Variants in GUCY1A2 observed in about 807,000 individuals in gnomAD.
GUCY1A2 encodes the protein guanylate cyclase 1 soluble subunit alpha 2, also known as guanylate cyclase soluble subunit alpha-2.
GUCY1A2 carries 27 observed loss-of-function variants against 63.5 expected under a neutral mutation model. The observed-to-expected ratio is 0.43, with a 90% confidence interval of 0.31 to 0.59. The LOEUF (loss-of-function observed/expected upper bound fraction) is 0.59. Among genes scored for constraint, GUCY1A2 ranks in the 20% least tolerant of loss-of-function variants. GUCY1A2 has a pLI of 0.11. For missense variants in GUCY1A2, 768 were observed against 913.3 expected (o/e 0.84, Z 2.05); for synonymous variants, 364 against 343.5 (o/e 1.06, Z -0.66).
chr11:106,914,168 G>A (rs746036543), intron 4 of GUCY1A2, among the ~76,000 whole-genome samples: 1 of 151,900 alleles, frequency 6.6e-6, no homozygotes, highest in Non-Finnish European at 1.5e-5. Flanking sequence ...TGAATACTAT[G>A]GGAGCATATA....
chr11:106,683,180 G>C lies in GUCY1A2; in HGVS notation c.*4369C>G, dbSNP rs1862460248. 1 of 214,094 alleles carries C rather than the reference G, an allele frequency of 4.7e-6. No homozygotes were observed. The highest frequency in any genetic ancestry group is 2.3e-5 in the African/African-American group (1 of 44,150). 13.3% of individuals were successfully genotyped at this position (214,094 alleles called of 1,614,324 possible). On this transcript the variant is annotated 3_prime_UTR_variant, in exon 8 of 8. Coordinates refer to ENST00000526355, the MANE Select transcript of GUCY1A2 (RefSeq NM_000855.3). ...TTCAGTCTCATGCATCATGATTTTT[G>C]GGTTATATCTATTATTAAGCTATGA...
At chr11:107,008,830 C>T (rs1861706695) in intron 1 of GUCY1A2, among the ~76,000 whole-genome samples, 1 of 152,228 alleles carries the variant, frequency 6.6e-6, no homozygotes, top group South Asian at 2.1e-4. Flanking sequence ...AAACCATCCT[C>T]TCCCAGTATT....
At chr11:106,846,776 C>G (rs903861145) in intron 4 of GUCY1A2, among the ~76,000 whole-genome samples, 1 of 151,522 alleles carries the variant, frequency 6.6e-6, no homozygotes. Context: ...GAGAACTGAA[C>G]AAATGAAATA....
At chr11:106,905,852 G>A (rs992966564) in intron 4 of GUCY1A2, among the ~76,000 whole-genome samples, 1 of 152,072 alleles carries the variant, frequency 6.6e-6, no homozygotes, top group African/African-American at 2.4e-5. Flanking sequence ...TCTGTGACAA[G>A]GTTTATCACT....
intron 4 of GUCY1A2, among the ~76,000 whole-genome samples, chr11:106,829,197 C>G (rs904330536): frequency 1.3e-5 from 2 of 152,184 alleles, no homozygotes; most frequent in South Asian, 4.1e-4. Flanking sequence ...TGCATTTTAT[C>G]GTCCTGCAGT....
At chr11:106,878,292 G>T (rs1166473998) in intron 4 of GUCY1A2, among the ~76,000 whole-genome samples, 1 of 152,016 alleles carries the variant, frequency 6.6e-6, no homozygotes, top group East Asian at 1.9e-4. Context: ...TATACCCAAA[G>T]GAATACAAAT....
intron 1 of GUCY1A2, among the ~76,000 whole-genome samples, chr11:107,001,241 C>T (rs1165092858): frequency 1.3e-5 from 2 of 152,008 alleles, no homozygotes; most frequent in Non-Finnish European, 2.9e-5. Flanking sequence ...AAGTATTTTC[C>T]CCAAATAACT....
chr11:106,746,679 G>C (rs773633601), intron 6 of GUCY1A2: 11 of 1,225,408 alleles, frequency 9.0e-6, no homozygotes, highest in African/African-American at 1.5e-5. Flanking sequence ...AGTGAATCAA[G>C]GGACAAAAAT....
intron 4 of GUCY1A2, among the ~76,000 whole-genome samples, chr11:106,815,832 A>T (rs1165443413): frequency 6.6e-6 from 1 of 151,858 alleles, no homozygotes; most frequent in African/African-American, 2.4e-5. Context: ...TGACGTGAAG[A>T]AAGAGACATA....
At chr11:106,972,573 A>C (rs191184699) in intron 3 of GUCY1A2, among the ~76,000 whole-genome samples, 180 of 152,186 alleles carry the variant, frequency 1.2e-3, no homozygotes, top group Admixed American at 3.0e-3. Context: ...AAGAAAAAGG[A>C]CTGCCATGTT....
At chr11:106,804,641 G>A (rs1858655777) in intron 5 of GUCY1A2, among the ~76,000 whole-genome samples, 2 of 152,276 alleles carry the variant, frequency 1.3e-5, no homozygotes, top group Admixed American at 1.3e-4. Flanking sequence ...CCTATCAAGT[G>A]GCAAGACAAA....
At chr11:106,973,315 A>C (rs746530562) in intron 3 of GUCY1A2, among the ~76,000 whole-genome samples, 29 of 152,132 alleles carry the variant, frequency 1.9e-4, no homozygotes, top group Non-Finnish European at 3.2e-4. Flanking sequence ...AAAAACTGTC[A>C]CAGTGTTTAC....
chr11:106,985,573 TCTTA>T (rs1170020888), intron 2 of GUCY1A2, among the ~76,000 whole-genome samples: 3 of 152,238 alleles, frequency 2.0e-5, no homozygotes, highest in African/African-American at 7.2e-5. Context: ...CATCAAGTCT[TCTTA>T]CTTTACACCA....
At position 106,809,980 on chromosome 11, in the gene GUCY1A2, T is replaced by G; in HGVS notation, c.1692+13A>C. 2.3e-5 allele frequency: 35 copies of G among 1,528,520 alleles called. No homozygotes were observed. The highest frequency in any genetic ancestry group is 3.1e-5 in the Non-Finnish European group (35 of 1,120,788). The allele number at this position is 1,528,520 out of a possible 1,614,324, so 94.7% of individuals were successfully genotyped here. ...TAAAAAACATTTATATGTAAGTAACTAAACTCCCTTACCTTATAAATATCC... is the reference window on the plus strand; with the variant it reads ...TAAAAAACATTTATATGTAAGTAACGAAACTCCCTTACCTTATAAATATCC... On this transcript the variant is annotated intron_variant, in intron 5 of 7. Transcript: ENST00000526355.
chr11:106,746,855 G>A (rs1863796787), intron 6 of GUCY1A2, among the ~76,000 whole-genome samples: 1 of 152,170 alleles, frequency 6.6e-6, no homozygotes, highest in Admixed American at 6.5e-5. Flanking sequence ...AAGGGAACTT[G>A]GAGAAAGCAT....
intron 4 of GUCY1A2, among the ~76,000 whole-genome samples, chr11:106,833,119 T>G (rs1430597342): frequency 1.3e-5 from 2 of 152,084 alleles, no homozygotes; most frequent in Non-Finnish European, 2.9e-5. Flanking sequence ...GCATTCTCCC[T>G]GTGTTTGTGT....
intron 4 of GUCY1A2, among the ~76,000 whole-genome samples, chr11:106,816,137 C>A (rs1858827990): frequency 2.6e-5 from 3 of 114,936 alleles, no homozygotes; most frequent in African/African-American, 6.6e-5. Flanking sequence ...AATAATTTGA[C>A]AATCCAACAA....
At position 106,859,457 on chromosome 11, in the gene GUCY1A2, T is replaced by A. The variant is rs114384535; in HGVS notation, c.1207-48979A>T. Among the ~76,000 whole-genome samples the A allele has an allele frequency of 1.8e-3, 270 of 152,150 alleles. 5 individuals are homozygous for A. The East Asian group carries it at 0.028, about 16-fold the overall frequency. ...AAAATAAATTACAAGAAAGGTATAG[T>A]GCCAACGGAATTGTACAATAGATTT... On this transcript the variant is annotated intron_variant, in intron 4 of 7. Coordinates refer to ENST00000526355, the MANE Select transcript of GUCY1A2 (RefSeq NM_000855.3).
At chr11:106,845,654 A>C (rs1262172518) in intron 4 of GUCY1A2, among the ~76,000 whole-genome samples, 1 of 151,648 alleles carries the variant, frequency 6.6e-6, no homozygotes, top group African/African-American at 2.4e-5. Flanking sequence ...TTTTAAAAAA[A>C]AAAGAGGCCC....
Sources: allele counts gnomAD v4.1 joint callset (sites outside exome capture counted in the v4.1 genomes callset), GRCh38; gene constraint gnomAD v4.1.1; transcripts MANE v1.5; gene names NCBI Gene and HGNC (gene_info 2026-07-23, HGNC 2026-07-21).